Variants in NUP50 observed in about 807,000 individuals in gnomAD.
NUP50 encodes the protein nuclear pore complex protein Nup50.
In NUP50, 14 loss-of-function variants were observed where a neutral mutation model predicts 36.8. That is an observed-to-expected ratio of 0.38 (90% confidence interval 0.25 to 0.59). NUP50 has a LOEUF of 0.59. Among genes scored for constraint, NUP50 ranks in the 20% least tolerant of loss-of-function variants. NUP50 has a pLI of 0.63. For synonymous variants in NUP50, 195 were observed against 210.8 expected, an observed-to-expected ratio of 0.93 and a Z score of 0.65; for missense variants, 455 against 564.6, an observed-to-expected ratio of 0.81 and a Z score of 1.97.
chr22:45,165,346 C>G (rs1367456181), intron 1 of NUP50, among the ~76,000 whole-genome samples: 3 of 152,244 alleles, frequency 2.0e-5, no homozygotes, highest in African/African-American at 7.2e-5. Flanking sequence ...AGTGATTCTC[C>G]TGCCTCAGCT....
chr22:45,183,650 CTTA>C (rs2074419128), intron 7 of NUP50, 130 bp downstream of exon 7: 1 of 677,114 alleles, frequency 1.5e-6, no homozygotes, highest in East Asian at 2.5e-5. Flanking sequence ...CCTGTATTTA[CTTA>C]TTTATAGTTT....
chr22:45,169,631 G>A (rs2074153602), intron 2 of NUP50, among the ~76,000 whole-genome samples: 1 of 152,220 alleles, frequency 6.6e-6, no homozygotes, highest in African/African-American at 2.4e-5. Context: ...CAGATACAGG[G>A]TCAGGTGCTG....
intron 2 of NUP50, among the ~76,000 whole-genome samples, chr22:45,169,686 G>GC (rs2074154383): frequency 6.6e-6 from 1 of 152,228 alleles, no homozygotes; most frequent in Non-Finnish European, 1.5e-5. Flanking sequence ...AGGTGAGCCA[G>GC]CCCTCTGTCA....
intron 3 of NUP50, among the ~76,000 whole-genome samples, chr22:45,175,352 T>G (rs1227709340): frequency 1.3e-5 from 2 of 152,228 alleles, no homozygotes; most frequent in Non-Finnish European, 2.9e-5. Context: ...TGTCCCGGGT[T>G]GTTCAGCTAA....
At chr22:45,179,124 G>T (rs1428937799) in intron 5 of NUP50, 1 of 423,568 alleles carries the variant, frequency 2.4e-6, no homozygotes, top group African/African-American at 2.0e-5. Context: ...AAAATAAAAT[G>T]AATTTGAAAA....
At chr22:45,166,763 A>G (rs1171897837) in intron 1 of NUP50, among the ~76,000 whole-genome samples, 1 of 125,170 alleles carries the variant, frequency 8.0e-6, no homozygotes, top group African/African-American at 3.1e-5. Flanking sequence ...TTGTATGACA[A>G]AGATTAATGG....
intron 1 of NUP50, among the ~76,000 whole-genome samples, chr22:45,167,643 T>C (rs2074115795): frequency 1.3e-5 from 2 of 152,228 alleles, no homozygotes; most frequent in Admixed American, 1.3e-4. Context: ...CATGTATCTC[T>C]GTCGGCTGTA....
intron 6 of NUP50, among the ~76,000 whole-genome samples, chr22:45,182,295 G>A (rs572779500): frequency 1.3e-5 from 2 of 152,210 alleles, no homozygotes; most frequent in African/African-American, 4.8e-5. Context: ...ATGAAAATTA[G>A]CCTAATGTGG....
Position 45,178,348 on chromosome 22 carries a change from T to C in NUP50, c.451T>C (p.Cys151Arg). The C allele has an allele frequency of 6.2e-7, 1 of 1,613,996 alleles. No homozygotes were observed. Among genetic ancestry groups the C allele is most frequent in the Non-Finnish European group, 8.5e-7 (1 of 1,179,868 alleles). ...SSSGLASSKA[C>R]VGNAYHKQLA... ...CTCTGGCCTTGCTTCCAGTAAAGCT[T>C]GTGTCGGAAATGCCTATCACAAGCA... Residue 151 changes from cysteine (C) to arginine (R), a missense_variant, in exon 5 of 8, where the codon TGT (cysteine) becomes CGT (arginine). Physicochemically the swap from Cys to Arg is radical, Grantham distance 180 (BLOSUM62 -3). Transcript: ENST00000347635.
chr22:45,173,221 A>T (rs551132397), intron 3 of NUP50, among the ~76,000 whole-genome samples: 1 of 152,298 alleles, frequency 6.6e-6, no homozygotes, highest in East Asian at 1.9e-4. Context: ...TTGCTTAAAA[A>T]TTGTATTTCT....
intron 2 of NUP50, among the ~76,000 whole-genome samples, chr22:45,169,329 C>T (rs1324890079): frequency 1.3e-5 from 2 of 152,094 alleles, no homozygotes; most frequent in Admixed American, 6.6e-5. Flanking sequence ...GTGATTGCAC[C>T]ACTGCACTCC....
intron 3 of NUP50, chr22:45,172,262 C>G (rs907281941): frequency 1.3e-5 from 2 of 150,844 alleles, no homozygotes; most frequent in African/African-American, 4.9e-5. Context: ...AGAGTGTGGT[C>G]TTGGTGGCCT....
At position 45,185,670 on chromosome 22, in the gene NUP50, TATA is replaced by T. The variant is rs1159316077; in HGVS notation, c.*1019_*1021del. ...CCTTTAACTTTAGACCGCAGTATATTATAATACATTTGATATCTGAAATATCTT... is the reference window on the plus strand; with the variant it reads ...CCTTTAACTTTAGACCGCAGTATATTATACATTTGATATCTGAAATATCTT... On this transcript the variant is annotated 3_prime_UTR_variant, in exon 8 of 8. Transcript: ENST00000347635. The T allele has an allele frequency of 1.3e-5, 2 of 152,294 alleles. No homozygotes were observed. The highest frequency in any genetic ancestry group is 1.9e-4 in the East Asian group (1 of 5,186). 9.4% of individuals were successfully genotyped at this position (152,294 alleles called of 1,614,324 possible).
At chr22:45,168,898 A>ATTTTTTTTTTTTT (rs34675932) in intron 2 of NUP50, among the ~76,000 whole-genome samples, 1 of 132,010 alleles carries the variant, frequency 7.6e-6, no homozygotes, top group Non-Finnish European at 1.6e-5. Context: ...TATAAAAAAA[A>ATTTTTTTTTTTTT]TTTTTTTTTT....
At chr22:45,170,862 T>C in intron 2 of NUP50, 1 of 495,228 alleles carries the variant, frequency 2.0e-6, no homozygotes, top group Non-Finnish European at 3.4e-6. Context: ...TAAGTACATT[T>C]AACTTGGGGC....
intron 5 of NUP50, among the ~76,000 whole-genome samples, chr22:45,180,768 G>A (rs2074355225): frequency 1.3e-5 from 2 of 151,968 alleles, no homozygotes; most frequent in African/African-American, 2.4e-5. Context: ...AGTGACCCAT[G>A]TGGCAATTCA....
intron 3 of NUP50, among the ~76,000 whole-genome samples, chr22:45,172,882 C>G (rs187380019): frequency 6.6e-6 from 1 of 152,102 alleles, no homozygotes; most frequent in Non-Finnish European, 1.5e-5. Context: ...CGCAATTTTC[C>G]TAAAATATAT....
chr22:45,174,379 G>C (rs1408314180), intron 3 of NUP50, among the ~76,000 whole-genome samples: 1 of 152,004 alleles, frequency 6.6e-6, no homozygotes, highest in Non-Finnish European at 1.5e-5. Flanking sequence ...GTCTCACTCT[G>C]TTGCCCAGGG....
Sources: allele counts gnomAD v4.1 joint callset (sites outside exome capture counted in the v4.1 genomes callset), GRCh38; gene constraint gnomAD v4.1.1; transcripts MANE v1.5; gene names NCBI Gene and HGNC (gene_info 2026-07-23, HGNC 2026-07-21).